Variants in FAM135B observed in about 807,000 individuals in gnomAD.
The protein encoded by FAM135B is family with sequence similarity 135 member B, also known as protein FAM135B.
Under a neutral mutation model 127.7 loss-of-function variants are expected in FAM135B, and 43 were observed. The observed-to-expected ratio is 0.34, with a 90% CI of 0.26 to 0.43. The LOEUF is 0.43. Ranked by LOEUF, FAM135B falls within the 20% of genes least tolerant of loss-of-function variation. The pLI is 1.00. For synonymous variants in FAM135B, 670 were observed against 665.1 expected (o/e 1.01, Z -0.11); for missense variants, 1,558 against 1,725.6 (o/e 0.90, Z 1.72).
intron 2 of FAM135B, among the ~76,000 whole-genome samples, chr8:138,358,028 CAGA>C (rs1830197443): frequency 6.6e-6 from 1 of 152,024 alleles, no homozygotes; most frequent in African/African-American, 2.4e-5. Context: ...ACAATCATGG[CAGA>C]AGGTGAAAAA....
At chr8:138,415,849 T>C (rs1455657965) in intron 1 of FAM135B, among the ~76,000 whole-genome samples, 1 of 152,200 alleles carries the variant, frequency 6.6e-6, no homozygotes, top group African/African-American at 2.4e-5. Context: ...TCCTGAAATA[T>C]GTTTCACATG....
chr8:138,360,765 T>C (rs188312994), intron 2 of FAM135B, among the ~76,000 whole-genome samples: 16 of 152,298 alleles, frequency 1.1e-4, no homozygotes, highest in Admixed American at 9.8e-4. Context: ...CAGGAACTTC[T>C]AGTACATGAT....
intron 2 of FAM135B, among the ~76,000 whole-genome samples, chr8:138,362,042 A>G (rs2131181471): frequency 6.6e-6 from 1 of 152,272 alleles, no homozygotes; most frequent in South Asian, 2.1e-4. Flanking sequence ...AGATGTTTTA[A>G]TATAGGCATG....
intron 8 of FAM135B, among the ~76,000 whole-genome samples, 158 bp from the exon 9 acceptor site, chr8:138,195,465 CTG>C (rs1287987037): frequency 9.2e-5 from 14 of 152,022 alleles, no homozygotes; most frequent in African/African-American, 3.4e-4. Context: ...CCTAAAGGGA[CTG>C]TGCTTATCAG....
intron 3 of FAM135B, among the ~76,000 whole-genome samples, chr8:138,299,109 A>AAAT (rs1337552199): frequency 6.9e-5 from 10 of 144,472 alleles, no homozygotes; most frequent in East Asian, 2.1e-4. Flanking sequence ...ATAAATAAAT[A>AAAT]AAATAAAAAT....
intron 18 of FAM135B, among the ~76,000 whole-genome samples, chr8:138,138,487 G>A (rs1816850813): frequency 2.0e-5 from 3 of 152,218 alleles, no homozygotes; most frequent in African/African-American, 7.2e-5. Context: ...TGTCCTCTGT[G>A]GACATTCCCA....
intron 19 of FAM135B, among the ~76,000 whole-genome samples, chr8:138,134,279 GAAT>G (rs1816446900): frequency 1.3e-5 from 2 of 152,164 alleles, no homozygotes; most frequent in South Asian, 2.1e-4. Flanking sequence ...GTAATAACAA[GAAT>G]AATGAATAAA....
intron 2 of FAM135B, among the ~76,000 whole-genome samples, chr8:138,344,606 C>T (rs138372598): frequency 0.036 from 4,479 of 124,512 alleles, 145 homozygotes; most frequent in East Asian, 0.19. Context: ...TAAGGAGTCT[C>T]GCTCTGTCGC....
rs746870526 is a variant in FAM135B, at chr8:138,152,588, C to A, written c.1887G>T (p.Val629=). The change falls in exon 13 of 20, where the codon GTG becomes GTT. Residue 629 remains valine, a synonymous_variant. Transcript: ENST00000395297. ...AGGGGGTGAGTTTCAAGCTTAGCAG[C>A]ACCATCTTCCCCTCTTGATCTATTC... The part of the protein sequence containing the change: ...GKGIDQEGKM[V]LLSLKLTPSE... 19 of 1,614,054 alleles carry A rather than the reference C, an allele frequency of 1.2e-5. No homozygotes were observed. Among genetic ancestry groups the A allele is most frequent in the Admixed American group, 1.7e-5 (1 of 60,008 alleles).
intron 2 of FAM135B, among the ~76,000 whole-genome samples, chr8:138,331,390 T>C (rs1828164013): frequency 6.6e-6 from 1 of 152,238 alleles, no homozygotes; most frequent in African/African-American, 2.4e-5. Context: ...ATAATGGCTC[T>C]TCTATTTTTA....
intron 1 of FAM135B, among the ~76,000 whole-genome samples, chr8:138,426,577 C>A (rs917517023): frequency 4.0e-5 from 6 of 150,874 alleles, no homozygotes; most frequent in East Asian, 1.9e-4. Context: ...TATGAGAATG[C>A]TATTATCATT....
chr8:138,497,430 G>C (rs1045250387), upstream of FAM135B, among the ~76,000 whole-genome samples: 1 of 151,902 alleles, frequency 6.6e-6, no homozygotes, highest in Non-Finnish European at 1.5e-5. Context: ...TGACCGGCGC[G>C]AGCATGCTCA....
intron 7 of FAM135B, among the ~76,000 whole-genome samples, chr8:138,237,464 A>G (rs1169042640): frequency 6.6e-6 from 1 of 152,104 alleles, no homozygotes; most frequent in Non-Finnish European, 1.5e-5. Flanking sequence ...CCCAGCCTGA[A>G]TCCTTGATCT....
intron 2 of FAM135B, among the ~76,000 whole-genome samples, chr8:138,335,381 A>C (rs555627529): frequency 6.6e-6 from 1 of 152,330 alleles, no homozygotes; most frequent in East Asian, 1.9e-4. Flanking sequence ...TGGCATACGT[A>C]ATTTTAAAAC....
At chr8:138,178,467 C>A (rs952448151) in intron 10 of FAM135B, 68 bp downstream of exon 10, 81 of 1,571,640 alleles carry the variant, frequency 5.2e-5, no homozygotes, top group Non-Finnish European at 6.6e-5. Context: ...TGATCTAATT[C>A]TCATAAAGGT....
At chr8:138,364,055 C>G (rs1195129741) in intron 2 of FAM135B, among the ~76,000 whole-genome samples, 3 of 152,196 alleles carry the variant, frequency 2.0e-5, no homozygotes, top group Non-Finnish European at 2.9e-5. Context: ...CTTCTCCTTA[C>G]TAATGTCAGA....
chr8:138,163,350 A>T (rs1382893771), intron 12 of FAM135B, among the ~76,000 whole-genome samples: 1 of 151,944 alleles, frequency 6.6e-6, no homozygotes, highest in Non-Finnish European at 1.5e-5. Context: ...GTGTTGGGGG[A>T]GCAGAGACAA....
At chr8:138,189,606 G>A (rs192945180) in intron 9 of FAM135B, among the ~76,000 whole-genome samples, 36 of 152,284 alleles carry the variant, frequency 2.4e-4, no homozygotes, top group Admixed American at 4.6e-4. Flanking sequence ...ATGCTGCTGT[G>A]AGGCCCACAT....
intron 2 of FAM135B, among the ~76,000 whole-genome samples, chr8:138,334,987 T>C (rs1425786265): frequency 1.3e-5 from 2 of 152,234 alleles, no homozygotes; most frequent in East Asian, 1.9e-4. Flanking sequence ...ATAATCCTTA[T>C]GCATGCAGAA....
Sources: gnomAD v4.1 joint callset for allele counts (sites outside exome capture counted in the v4.1 genomes callset) on GRCh38, gnomAD v4.1.1 for gene constraint, MANE v1.5 for transcripts, NCBI Gene and HGNC (gene_info 2026-07-23, HGNC 2026-07-21) for gene names.